Variants in RPS6KC1 observed in about 807,000 individuals in gnomAD.
The protein encoded by RPS6KC1 is inactive ribosomal protein S6 kinase delta-1.
Under a neutral mutation model 103.8 loss-of-function variants are expected in RPS6KC1, and 54 were observed. That is an observed-to-expected ratio of 0.52 (90% confidence interval 0.42 to 0.65). The LOEUF (loss-of-function observed/expected upper bound fraction) is 0.65. Ranked by LOEUF, RPS6KC1 falls within the 30% of genes least tolerant of loss-of-function variation. The pLI is 0.00. For synonymous variants in RPS6KC1, 439 were observed against 438.7 expected, an observed-to-expected ratio of 1.00 and a Z score of -0.01; for missense variants, 1,151 against 1,253.8, an observed-to-expected ratio of 0.92 and a Z score of 1.24.
the RPS6KC1 span, among the ~76,000 whole-genome samples, chr1:213,503,214 A>G: frequency 1.3e-5 from 2 of 151,758 alleles, no homozygotes; most frequent in Non-Finnish European, 2.9e-5. Flanking sequence ...TCTTGGCCTT[A>G]TAGTTTCACT....
At chr1:213,788,957 T>C in the RPS6KC1 span, among the ~76,000 whole-genome samples, 2 of 152,132 alleles carry the variant, frequency 1.3e-5, no homozygotes, top group Middle Eastern at 3.2e-3. Flanking sequence ...CTCAAAAAGC[T>C]TTCCAGAGCA....
At chr1:213,087,521 A>G (rs1162516044) in intron 3 of RPS6KC1, among the ~76,000 whole-genome samples, 1 of 152,170 alleles carries the variant, frequency 6.6e-6, no homozygotes, top group Non-Finnish European at 1.5e-5. Context: ...GGATTCTTTC[A>G]GTATTTTTTC....
At chr1:213,774,365 A>G in the RPS6KC1 span, among the ~76,000 whole-genome samples, 7 of 152,316 alleles carry the variant, frequency 4.6e-5, no homozygotes, top group South Asian at 1.5e-3. Context: ...AATACAAACT[A>G]AAGGGCTGAC....
intron 6 of RPS6KC1, among the ~76,000 whole-genome samples, chr1:213,138,113 C>CAG (rs2086595029): frequency 6.6e-6 from 1 of 152,000 alleles, no homozygotes; most frequent in Non-Finnish European, 1.5e-5. Context: ...AGAGTTCACA[C>CAG]AGATTGATTT....
chr1:213,539,572 GTTGCGGTT>G, the RPS6KC1 span, among the ~76,000 whole-genome samples: 1 of 152,228 alleles, frequency 6.6e-6, no homozygotes, highest in African/African-American at 2.4e-5. Context: ...ATTGGGGAAA[GTTGCGGTT>G]GTGCTATTTG....
chr1:213,152,027 C>T (rs1350704101), intron 6 of RPS6KC1, among the ~76,000 whole-genome samples: 28 of 131,736 alleles, frequency 2.1e-4, no homozygotes, highest in Middle Eastern at 4.9e-3. Context: ...CCTCACCTCC[C>T]GGACGGGGCA....
intron 12 of RPS6KC1, among the ~76,000 whole-genome samples, chr1:213,246,249 C>G (rs2094452473): frequency 6.6e-6 from 1 of 152,030 alleles, no homozygotes; most frequent in African/African-American, 2.4e-5. Context: ...AAATAAACAT[C>G]ATTCATGGTA....
At chr1:213,221,959 G>C (rs1262895161) in intron 8 of RPS6KC1, among the ~76,000 whole-genome samples, 7 of 152,126 alleles carry the variant, frequency 4.6e-5, no homozygotes, top group African/African-American at 1.7e-4. Context: ...AGGTATTTCT[G>C]GATCAAATAG....
At chr1:213,411,202 T>C in the RPS6KC1 span, among the ~76,000 whole-genome samples, 1 of 152,130 alleles carries the variant, frequency 6.6e-6, no homozygotes, top group South Asian at 2.1e-4. Flanking sequence ...CTTAATATAA[T>C]GATAAGGATT....
At chr1:213,757,412 G>A in the RPS6KC1 span, among the ~76,000 whole-genome samples, 1 of 152,212 alleles carries the variant, frequency 6.6e-6, no homozygotes, top group Non-Finnish European at 1.5e-5. Context: ...GGTCCAGATA[G>A]AAGATCAGAC....
At chr1:213,822,684 A>C in the RPS6KC1 span, among the ~76,000 whole-genome samples, 1 of 151,440 alleles carries the variant, frequency 6.6e-6, no homozygotes, top group South Asian at 2.1e-4. Context: ...GCACAACCCC[A>C]CTCCTCTGGT....
rs77453211 is a variant in RPS6KC1, at chr1:213,234,466, T to C, written c.1225+2211T>C. Among the ~76,000 whole-genome samples, 456 of 152,314 alleles carry C rather than the reference T, an allele frequency of 3.0e-3. 2 individuals carry two copies. The highest frequency in any genetic ancestry group is 4.9e-3 in the Non-Finnish European group (336 of 68,030). ...GAATTAAGTAGTAGAGGGAGCCCTC[T>C]CTGAGAAGGTGGCATTTAAGAGAAG... is the stretch of plus-strand genomic sequence containing the variant. On this transcript the variant is annotated intron_variant, in intron 10 of 14. Coordinates refer to ENST00000366960, the MANE Select transcript of RPS6KC1 (RefSeq NM_012424.6).
At chr1:213,689,552 G>C in the RPS6KC1 span, among the ~76,000 whole-genome samples, 19 of 152,348 alleles carry the variant, frequency 1.2e-4, no homozygotes, top group African/African-American at 4.3e-4. Context: ...CCACGTGACA[G>C]TCAATCCAAT....
At chr1:213,774,458 A>C in the RPS6KC1 span, among the ~76,000 whole-genome samples, 1 of 152,232 alleles carries the variant, frequency 6.6e-6, no homozygotes, top group Non-Finnish European at 1.5e-5. Flanking sequence ...CCCTACCCCA[A>C]GGACTTGTAT....
At chr1:213,275,326 T>C (rs2095110181), downstream of RPS6KC1, among the ~76,000 whole-genome samples, 1 of 152,204 alleles carries the variant, frequency 6.6e-6, no homozygotes. Flanking sequence ...TATTTTTATG[T>C]AAAATTACCA....
chr1:213,153,396 C>T (rs1379220285), intron 6 of RPS6KC1, among the ~76,000 whole-genome samples: 2 of 152,108 alleles, frequency 1.3e-5, no homozygotes, highest in Non-Finnish European at 2.9e-5. Flanking sequence ...GCAAATATAT[C>T]TTGTAACCCA....
At chr1:213,816,665 C>T in the RPS6KC1 span, among the ~76,000 whole-genome samples, 1 of 152,150 alleles carries the variant, frequency 6.6e-6, no homozygotes, top group Non-Finnish European at 1.5e-5. Context: ...CCCCCTGTTC[C>T]TGGACCTTCT....
chr1:213,638,305 A>G, the RPS6KC1 span, among the ~76,000 whole-genome samples: 1 of 151,936 alleles, frequency 6.6e-6, no homozygotes, highest in Non-Finnish European at 1.5e-5. Flanking sequence ...ATTTGCAAAT[A>G]TTTTCTCCCA....
At chr1:213,099,911 T>G (rs1040097441) in intron 3 of RPS6KC1, among the ~76,000 whole-genome samples, 5 of 152,212 alleles carry the variant, frequency 3.3e-5, no homozygotes, top group African/African-American at 1.2e-4. Flanking sequence ...GTTTCCAGTT[T>G]GGGGCAATTT....
Sources: allele counts gnomAD v4.1 joint callset (sites outside exome capture counted in the v4.1 genomes callset), GRCh38; gene constraint gnomAD v4.1.1; transcripts MANE v1.5; gene names NCBI Gene and HGNC (gene_info 2026-07-23, HGNC 2026-07-21).